Variants in PAPLN observed in about 807,000 individuals in gnomAD.
The protein encoded by PAPLN is papilin, proteoglycan like sulfated glycoprotein.
A neutral mutation model predicts 159.0 loss-of-function variants in PAPLN; 146 were observed. The ratio of observed to expected loss-of-function variants is 0.92; its 90% CI spans 0.80 to 1.05. The LOEUF (loss-of-function observed/expected upper bound fraction) is 1.05, where lower values mean the gene tolerates loss of function less well. Among genes scored for constraint, PAPLN ranks in the 50% least tolerant of loss-of-function variants. The pLI is 0.00. For synonymous variants in PAPLN, 734 were observed against 702.9 expected (o/e 1.04, Z -0.70); for missense variants, 1,720 against 1,743.9 (o/e 0.99, Z 0.24).
At chr14:73,256,218 G>T (rs1566690760) in intron 14 of PAPLN, among the ~76,000 whole-genome samples, 1 of 152,132 alleles carries the variant, frequency 6.6e-6, no homozygotes, top group Non-Finnish European at 1.5e-5. Flanking sequence ...CCAGGGACTA[G>T]CAGGACCCAT....
At chr14:73,260,588 T>TC (rs1332545671) in intron 16 of PAPLN, 121 bp from the exon 17 acceptor site, 88 of 1,268,010 alleles carry the variant, frequency 6.9e-5, no homozygotes, top group South Asian at 6.5e-4. Flanking sequence ...GGACACGTCC[T>TC]CTCCCCCCCA....
chr14:73,268,845 T>C, intron 26 of PAPLN, 122 bp downstream of exon 26: 2 of 1,249,658 alleles, frequency 1.6e-6, no homozygotes. Flanking sequence ...TGCCAGTTGC[T>C]GGTAGTGTGA....
At chr14:73,236,826 AAAAG>A (rs1407444712), upstream of PAPLN, among the ~76,000 whole-genome samples, 1 of 151,278 alleles carries the variant, frequency 6.6e-6, no homozygotes, top group Admixed American at 6.6e-5. Flanking sequence ...AAAAAAAAAA[AAAAG>A]AAAAGGAGGG....
At chr14:73,264,499 CG>C in intron 21 of PAPLN, 88 bp from the exon 22 acceptor site, 1 of 1,526,098 alleles carries the variant, frequency 6.6e-7, no homozygotes, top group Non-Finnish European at 8.8e-7. Context: ...CTCATTTCTC[CG>C]TAAGTCCCTG....
In PAPLN at chr14:73,272,627, C is replaced by T; in HGVS notation, c.3800C>T (p.Ser1267Leu). ...YYSSFCCASCSRFQPHAQPIW... is the reference protein window; with the variant it reads ...YYSSFCCASCLRFQPHAQPIW... ...TCCAGCTTCTGCTGTGCCAGCTGTT[C>T]ACGTTTCCAGCCTCACGCTCAGCCC... The change falls in exon 27 of 27, where the codon TCA becomes TTA. Residue 1267 changes from serine to leucine, a missense_variant. Transcript: ENST00000644200. 1 of 1,593,224 alleles carries T rather than the reference C, an allele frequency of 6.3e-7. No individual in the cohort carries two copies. The highest frequency in any genetic ancestry group is 8.6e-7 in the Non-Finnish European group (1 of 1,163,072).
intron 11 of PAPLN, 142 bp downstream of exon 11, chr14:73,252,917 G>A: frequency 7.2e-7 from 1 of 1,398,386 alleles, no homozygotes; most frequent in Non-Finnish European, 9.7e-7. Context: ...GTGTGGGAGA[G>A]GTGGCAGCTC....
intron 5 of PAPLN, among the ~76,000 whole-genome samples, chr14:73,247,343 G>A (rs2140207823): frequency 6.6e-6 from 1 of 152,328 alleles, no homozygotes; most frequent in South Asian, 2.1e-4. Context: ...AGATGAATCA[G>A]AAGATTCCTC....
chr14:73,254,777 G>T, intron 13 of PAPLN, 82 bp downstream of exon 13: 1 of 1,590,512 alleles, frequency 6.3e-7, no homozygotes, highest in South Asian at 1.1e-5. Flanking sequence ...CCTTGGACCT[G>T]ACACGCGCCA....
At position 73,263,773 on chromosome 14, in the gene PAPLN, C is replaced by A; in HGVS notation, c.2852C>A (p.Ser951Tyr). 6.2e-7 allele frequency: 1 copy of A among 1,603,294 alleles called. No individual in the cohort carries two copies. ...TGGCAGAAAGATGGCCAGCCCATCT[C>A]CTCTGACAGGTGGGTGAGAGTCCCC... is the stretch of plus-strand genomic sequence containing the variant. Reference protein sequence around the residue: ...AAWQKDGQPISSDRHRLQFDG... With the variant: ...AAWQKDGQPIYSDRHRLQFDG... Residue 951 changes from serine to tyrosine, a missense_variant, in exon 20 of 27, where the codon TCC becomes TAC. Ser to Tyr is a moderately radical substitution (Grantham distance 144). Transcript: ENST00000644200.
chr14:73,258,280 T>C (rs2140267259), intron 14 of PAPLN, among the ~76,000 whole-genome samples: 1 of 152,312 alleles, frequency 6.6e-6, no homozygotes, highest in East Asian at 1.9e-4. Flanking sequence ...TGATGACTAA[T>C]GATGTTGAGT....
At position 73,261,199 on chromosome 14, in the gene PAPLN, G is replaced by C; in HGVS notation, c.2150G>C (p.Ser717Thr). 4 of 1,614,112 alleles carry C rather than the reference G, an allele frequency of 2.5e-6. No individual in the cohort carries two copies. Among genetic ancestry groups the C allele is most frequent in the Non-Finnish European group, 3.4e-6 (4 of 1,180,040 alleles). The change falls in exon 18 of 27, where the codon AGT becomes ACT. Residue 717 changes from serine to threonine, a missense_variant. By Grantham distance (58) the Ser-to-Thr change is moderately conservative. Coordinates refer to ENST00000644200, the MANE Select transcript of PAPLN (RefSeq NM_001365906.3). ...HQPQAQQNEP[S>T]ECRGSQFGCC... ...CCCCAGGCCCAGCAGAATGAGCCCA[G>C]TGAGTGCCGGGGCTCCCAGTTTGGC...
intron 17 of PAPLN, 148 bp downstream of exon 17, chr14:73,260,977 G>A (rs535261301): frequency 7.6e-5 from 107 of 1,399,092 alleles, no homozygotes; most frequent in South Asian, 5.1e-4. Flanking sequence ...GGAGGGCACC[G>A]GGCTTCAAAG....
Position 73,272,620 on chromosome 14 carries a change from A to G in PAPLN, c.3793A>G (p.Ser1265Gly). Residue 1265 changes from serine to glycine, a missense_variant, in exon 27 of 27, where the codon AGC (serine) becomes GGC (glycine). Physicochemically the swap from Ser to Gly is moderately conservative, Grantham distance 56 (BLOSUM62 0). Coordinates refer to ENST00000644200, the MANE Select transcript of PAPLN (RefSeq NM_001365906.3). Reference protein sequence around the residue: ...NEYYSSFCCASCSRFQPHAQP... With the variant: ...NEYYSSFCCAGCSRFQPHAQP... ...GTATTACTCCAGCTTCTGCTGTGCC[A>G]GCTGTTCACGTTTCCAGCCTCACGC... is the stretch of plus-strand genomic sequence containing the variant. 1 of 1,595,124 alleles carries G rather than the reference A, an allele frequency of 6.3e-7. No homozygotes were observed. Among genetic ancestry groups the G allele is most frequent in the Non-Finnish European group, 8.6e-7 (1 of 1,164,408 alleles).
rs368343582 is a variant in PAPLN at position 73,265,340 on chromosome 14, C to T, written c.3126-30C>T. The T allele has an allele frequency of 5.6e-6, 9 of 1,600,348 alleles. No homozygotes were observed. In the East Asian group the frequency reaches 1.1e-4, roughly 20 times the overall value. On this transcript the variant is annotated intron_variant, in intron 22 of 26. Coordinates refer to ENST00000644200, the MANE Select transcript of PAPLN (RefSeq NM_001365906.3). The surrounding 1 kb of genome is among the most constrained non-coding windows in gnomAD (Gnocchi z 4.1). Reference sequence around the variant, plus strand: ...AGTAGGCGGGGGCAACGGCAAGGGCCCCTCATGCTGTGGGCTGCTTGTTTG... The same window carrying T: ...AGTAGGCGGGGGCAACGGCAAGGGCTCCTCATGCTGTGGGCTGCTTGTTTG...
chr14:73,258,743 C>T (rs1886219115), intron 14 of PAPLN, among the ~76,000 whole-genome samples: 1 of 151,936 alleles, frequency 6.6e-6, no homozygotes, highest in South Asian at 2.1e-4. Context: ...GCCTGGGCGA[C>T]AGAGACCCTG....
rs1393938571 is a variant in PAPLN at position 73,245,770 on chromosome 14, C to T, written c.231+74C>T. On this transcript the variant is annotated intron_variant, in intron 4 of 26. Transcript: ENST00000644200. The surrounding 1 kb of genome is among the most constrained non-coding windows in gnomAD (Gnocchi z 4.2). ...CTGGCCGATTTCCCCATTGGGATGC[C>T]CGCTCCTGGCCGCGGGCTGCTGGGT... is the stretch of plus-strand genomic sequence containing the variant. The T allele has an allele frequency of 2.0e-6, 3 of 1,504,692 alleles. No homozygotes were observed. The highest frequency in any genetic ancestry group is 4.0e-5 in the Admixed American group (2 of 50,214). 93.2% of individuals were successfully genotyped at this position (1,504,692 alleles called of 1,614,324 possible). A position where few individuals can be genotyped will look rare whatever the true frequency, so the allele number is the denominator to read the frequency against.
chr14:73,253,230 A>ACCTGCAGGTCACAGGCTC lies in PAPLN; in HGVS notation c.1094+458_1094+475dup, dbSNP rs765975034. Reference sequence around the variant, plus strand: ...CCCAGCGAGTGTGTGGGAACAGGTAACCTGCAGGTCACAGGCTCCCCGCAG... The same window carrying ACCTGCAGGTCACAGGCTC: ...CCCAGCGAGTGTGTGGGAACAGGTAACCTGCAGGTCACAGGCTCCCTGCAGGTCACAGGCTCCCCGCAG... On this transcript the variant is annotated intron_variant, in intron 11 of 26. Coordinates refer to ENST00000644200, the MANE Select transcript of PAPLN (RefSeq NM_001365906.3). 2.9e-6 allele frequency: 4 copies of ACCTGCAGGTCACAGGCTC among 1,358,270 alleles called. No homozygotes were observed. In the Admixed American group the frequency reaches 7.6e-5, roughly 26 times the overall value. The allele number at this position is 1,358,270 out of a possible 1,614,324, so 84.1% of individuals were successfully genotyped here.
chr14:73,246,757 A>C (rs1884429334), intron 5 of PAPLN: 1 of 150,664 alleles, frequency 6.6e-6, no homozygotes, highest in African/African-American at 2.4e-5. Context: ...CAGCCTCCCA[A>C]ATAATTTTTA....
Position 73,244,639 on chromosome 14 carries a change from T to G in PAPLN, c.55-5T>G, listed in dbSNP as rs986349651. On this transcript the variant is annotated splice_region_variant and splice_polypyrimidine_tract_variant and intron_variant, in intron 2 of 26. Transcript: ENST00000644200. ...AATGCTGATGCATGGTCCTGTCTTC[T>G]GCAGGCTCCCAAGGTGAGGCGGCAG... The G allele has an allele frequency of 1.9e-6, 3 of 1,567,452 alleles. No individual in the cohort carries two copies. Among genetic ancestry groups the G allele is most frequent in the Non-Finnish European group, 2.6e-6 (3 of 1,156,122 alleles).
Sources: allele counts gnomAD v4.1 joint callset (sites outside exome capture counted in the v4.1 genomes callset), GRCh38; gene constraint gnomAD v4.1.1; non-coding constraint Gnocchi (gnomAD v3.1); transcripts MANE v1.5; gene names NCBI Gene and HGNC (gene_info 2026-07-23, HGNC 2026-07-21).